The following TSGA10 variants were observed in gnomAD, a reference collection of about 807,000 sequenced individuals.
The protein encoded by TSGA10 is testis specific 10.
TSGA10 carries 43 observed loss-of-function variants against 96.6 expected under a neutral mutation model. The observed-to-expected ratio is 0.44, with a 90% CI of 0.35 to 0.57. The LOEUF is 0.57. Among genes scored for constraint, TSGA10 ranks in the 20% least tolerant of loss-of-function variants. The pLI is 0.01. For missense variants in TSGA10, 703 were observed against 834.4 expected (o/e 0.84, Z 1.94); for synonymous variants, 229 against 269.9 (o/e 0.85, Z 1.48).
At chr2:99,036,528 C>T (rs2081643651) in intron 16 of TSGA10, among the ~76,000 whole-genome samples, 1 of 151,826 alleles carries the variant, frequency 6.6e-6, no homozygotes, top group Admixed American at 6.6e-5. Context: ...ATAATTAATA[C>T]CCTAAGAGAA....
intron 1 of TSGA10, among the ~76,000 whole-genome samples, chr2:99,153,902 AT>A (rs1156520458): frequency 6.6e-6 from 1 of 152,224 alleles, no homozygotes; most frequent in East Asian, 1.9e-4. Context: ...AGTGGTTTCT[AT>A]TTTAACTGAA....
chr2:99,105,169 T>G (rs1363895081), intron 9 of TSGA10, among the ~76,000 whole-genome samples, 190 bp downstream of exon 9: 2 of 152,132 alleles, frequency 1.3e-5, no homozygotes, highest in Non-Finnish European at 2.9e-5. Context: ...AAACATTTAC[T>G]CACATTTTTA....
chr2:99,027,186 G>A (rs1469403549), intron 17 of TSGA10, among the ~76,000 whole-genome samples: 1 of 152,192 alleles, frequency 6.6e-6, no homozygotes. Context: ...ACAGGTCTGC[G>A]GCCCAAGGGT....
intron 1 of TSGA10, among the ~76,000 whole-genome samples, chr2:99,129,726 G>A (rs148755405): frequency 0.011 from 1,631 of 152,284 alleles, 9 homozygotes; most frequent in Middle Eastern, 0.027. Flanking sequence ...GAGAAGGCAA[G>A]TGAAACAATG....
intron 16 of TSGA10, among the ~76,000 whole-genome samples, chr2:99,051,246 G>A (rs537659193): frequency 1.3e-5 from 2 of 152,144 alleles, no homozygotes; most frequent in African/African-American, 4.8e-5. Flanking sequence ...CTGTCTGTAA[G>A]GGACACACTT....
At chr2:99,131,487 C>CT (rs1299905447) in intron 1 of TSGA10, among the ~76,000 whole-genome samples, 1 of 152,192 alleles carries the variant, frequency 6.6e-6, no homozygotes, top group Non-Finnish European at 1.5e-5. Flanking sequence ...TGAGACTTTG[C>CT]TGAAGTTGCT....
At chr2:99,137,781 T>C (rs1162336707) in intron 1 of TSGA10, among the ~76,000 whole-genome samples, 1 of 151,652 alleles carries the variant, frequency 6.6e-6, no homozygotes, top group East Asian at 1.9e-4. Flanking sequence ...TTAGGATATA[T>C]ATTTGAACCA....
intron 1 of TSGA10, among the ~76,000 whole-genome samples, chr2:99,138,520 G>C (rs2093412560): frequency 1.3e-5 from 2 of 152,160 alleles, no homozygotes; most frequent in South Asian, 4.1e-4. Context: ...GAACAAAGCA[G>C]TTTCAATGGT....
chr2:99,139,593 A>G (rs2093452963), intron 1 of TSGA10, among the ~76,000 whole-genome samples: 1 of 152,206 alleles, frequency 6.6e-6, no homozygotes, highest in Admixed American at 6.5e-5. Context: ...GATGTGGAAA[A>G]CCATACAAGA....
intron 10 of TSGA10, 86 bp downstream of exon 10, chr2:99,103,881 A>G: frequency 6.8e-7 from 1 of 1,473,690 alleles, no homozygotes; most frequent in Non-Finnish European, 9.2e-7. Context: ...TGAACTCAAC[A>G]AATAATTTTC....
At position 99,014,165 on chromosome 2, in the gene TSGA10, A is replaced by C. The variant is rs993058710; in HGVS notation, c.2072+4035T>G. On this transcript the variant is annotated intron_variant, in intron 20 of 20. Transcript: ENST00000393483. ...GCGAGACTCTGTCTCAAAAAAATAA[A>C]TAAATAAATAAAAATAAAAATAAGC... Among the ~76,000 whole-genome samples, 9 of 151,936 alleles carry C rather than the reference A, an allele frequency of 5.9e-5. 1 individual carries two copies. Among genetic ancestry groups the C allele is most frequent in the African/African-American group, 2.2e-4 (9 of 41,366 alleles).
intron 20 of TSGA10, among the ~76,000 whole-genome samples, chr2:99,005,430 C>A (rs1288338744): frequency 6.6e-6 from 1 of 152,146 alleles, no homozygotes; most frequent in African/African-American, 2.4e-5. Flanking sequence ...AGCTGATAGG[C>A]AACTTCAGCA....
intron 2 of TSGA10, among the ~76,000 whole-genome samples, chr2:99,120,470 TGA>T (rs1405177084): frequency 6.6e-6 from 1 of 152,076 alleles, no homozygotes; most frequent in Non-Finnish European, 1.5e-5. Context: ...AAAAAATAAA[TGA>T]GAGTCTCTTG....
chr2:99,087,011 T>C (rs973691085), intron 10 of TSGA10, among the ~76,000 whole-genome samples: 4 of 151,882 alleles, frequency 2.6e-5, no homozygotes, highest in Non-Finnish European at 4.4e-5. Flanking sequence ...GAGACCATCC[T>C]GGCTAACACA....
chr2:99,108,951 C>G lies in TSGA10; in HGVS notation c.92G>C (p.Arg31Thr). The G allele has an allele frequency of 6.3e-7, 1 of 1,597,164 alleles. No homozygotes were observed. The highest frequency in any genetic ancestry group is 8.5e-7 in the Non-Finnish European group (1 of 1,175,328). Residue 31 changes from arginine to threonine, a missense_variant, in exon 7 of 21, where the codon AGA becomes ACA. Arg to Thr is a moderately conservative substitution (Grantham distance 71, BLOSUM62 -1). Transcript: ENST00000393483. ...CATGCATTTAAGTTCTTCACGATCT[C>G]TTGTTGTTGTCTTCAAAAGTTCTAC... is the stretch of plus-strand genomic sequence containing the variant. ...CDVELLKTTTRDREELKCMLE... is the reference protein window; with the variant it reads ...CDVELLKTTTTDREELKCMLE...
At chr2:99,085,681 C>CTGCTAGATATTATCAATATGAAAAAAGA (rs2088244063) in intron 10 of TSGA10, among the ~76,000 whole-genome samples, 1 of 121,434 alleles carries the variant, frequency 8.2e-6, no homozygotes, top group Non-Finnish European at 1.7e-5. Flanking sequence ...CTAAAAGACA[C>CTGCTAGATATTATCAATATGAAAAAAGA]TGCTAGATAT....
chr2:99,145,769 A>G (rs1045203028), intron 1 of TSGA10, among the ~76,000 whole-genome samples: 6 of 152,108 alleles, frequency 3.9e-5, no homozygotes, highest in African/African-American at 1.4e-4. Context: ...TATGTAGATA[A>G]TTTTTTTCTC....
chr2:98,999,850 T>C (rs2077733073), intron 20 of TSGA10, among the ~76,000 whole-genome samples: 1 of 152,136 alleles, frequency 6.6e-6, no homozygotes, highest in African/African-American at 2.4e-5. Flanking sequence ...CCAGGCTCAG[T>C]TGATCCTCTC....
At chr2:99,153,118 G>T (rs1574787802) in intron 1 of TSGA10, among the ~76,000 whole-genome samples, 1 of 152,206 alleles carries the variant, frequency 6.6e-6, no homozygotes, top group Non-Finnish European at 1.5e-5. Flanking sequence ...GGACTGAGGA[G>T]TTGACAGGGT....
Sources: allele counts gnomAD v4.1 joint callset (sites outside exome capture counted in the v4.1 genomes callset), GRCh38; gene constraint gnomAD v4.1.1; transcripts MANE v1.5; gene names NCBI Gene and HGNC (gene_info 2026-07-23, HGNC 2026-07-21).